Variants in RYR3 observed in about 807,000 individuals in gnomAD.
The protein encoded by RYR3 is ryanodine receptor 3.
Under a neutral mutation model 584.3 loss-of-function variants are expected in RYR3, and 207 were observed. The ratio of observed to expected loss-of-function variants is 0.35; its 90% confidence interval spans 0.32 to 0.40. RYR3 has a LOEUF of 0.40. Ranked by LOEUF, RYR3 falls within the 10% of genes least tolerant of loss-of-function variation. The pLI is 1.00. For missense variants in RYR3, 5,616 were observed against 6,089.2 expected (o/e 0.92, Z 2.59); for synonymous variants, 2,416 against 2,248.5 (o/e 1.07, Z -2.11).
intron 6 of RYR3, among the ~76,000 whole-genome samples, chr15:33,539,941 CAG>C (rs1391376848): frequency 6.6e-6 from 1 of 152,010 alleles, no homozygotes; most frequent in Non-Finnish European, 1.5e-5. Flanking sequence ...CTTGCTGTCT[CAG>C]GGGGAGTAGA....
chr15:33,522,052 G>A (rs972950172), intron 3 of RYR3, among the ~76,000 whole-genome samples: 5 of 146,762 alleles, frequency 3.4e-5, no homozygotes, highest in African/African-American at 7.6e-5. Context: ...TCATGAGTTC[G>A]AGACCAGCCT....
At chr15:33,813,710 G>T in intron 74 of RYR3, 131 bp downstream of exon 74, 2 of 728,856 alleles carry the variant, frequency 2.7e-6, no homozygotes, top group South Asian at 3.4e-5. Context: ...AGCTATTGCA[G>T]TCTGCATAGT....
chr15:33,631,601 A>C (rs2152632536), intron 23 of RYR3, among the ~76,000 whole-genome samples: 1 of 152,306 alleles, frequency 6.6e-6, no homozygotes, highest in African/African-American at 2.4e-5. Context: ...AAAGCTGAAA[A>C]GTGGTTCCCA....
At chr15:33,748,600 G>A (rs2070979322) in intron 55 of RYR3, 70 bp downstream of exon 55, 1 of 1,248,302 alleles carries the variant, frequency 8.0e-7, no homozygotes, top group South Asian at 1.3e-5. Context: ...GAGTTAAAGG[G>A]GGAAAAAAGG....
At chr15:33,537,591 G>A (rs982460026) in intron 5 of RYR3, among the ~76,000 whole-genome samples, 27 of 152,116 alleles carry the variant, frequency 1.8e-4, no homozygotes, top group African/African-American at 6.5e-4. Context: ...TCTGACTGTT[G>A]AGAAGTCTAC....
At position 33,424,978 on chromosome 15, in the gene RYR3, A is replaced by T. The variant is rs541376595; in HGVS notation, c.52-48441A>T. ...TGGGAATATGGGAATAACTTTACCTACAGCAATCAGCCCCATTCCCTTGTT... is the reference window on the plus strand; with the variant it reads ...TGGGAATATGGGAATAACTTTACCTTCAGCAATCAGCCCCATTCCCTTGTT... On this transcript the variant is annotated intron_variant, in intron 1 of 103. Coordinates refer to ENST00000634891, the MANE Select transcript of RYR3 (RefSeq NM_001036.6). 4.0e-4 allele frequency among the ~76,000 whole-genome samples: 61 copies of T among 152,306 alleles called. No individual in the cohort carries two copies. The Middle Eastern group carries it at 0.01, about 25-fold the overall frequency.
intron 51 of RYR3, 52 bp from the exon 52 acceptor site, chr15:33,742,314 T>G: frequency 8.8e-7 from 1 of 1,130,534 alleles, no homozygotes; most frequent in Non-Finnish European, 1.3e-6. Flanking sequence ...TCTTCTACTA[T>G]GTCTGGCTGA....
chr15:33,413,421 G>A (rs1033887316), intron 1 of RYR3, among the ~76,000 whole-genome samples: 9 of 152,268 alleles, frequency 5.9e-5, no homozygotes, highest in South Asian at 4.1e-4. Context: ...GTCATGTGAC[G>A]AAAGGTGGGG....
chr15:33,729,358 A>C (rs2068742204), intron 47 of RYR3, among the ~76,000 whole-genome samples: 1 of 152,102 alleles, frequency 6.6e-6, no homozygotes. Flanking sequence ...ACCCCAGTTC[A>C]CCGCGAATCC....
intron 19 of RYR3, among the ~76,000 whole-genome samples, chr15:33,613,898 GC>G (rs2060323565): frequency 6.6e-6 from 1 of 152,072 alleles, no homozygotes; most frequent in Non-Finnish European, 1.5e-5. Flanking sequence ...TGATTTTATA[GC>G]CATATAATAG....
intron 1 of RYR3, among the ~76,000 whole-genome samples, chr15:33,420,978 G>A (rs1184978006): frequency 6.6e-6 from 1 of 151,946 alleles, no homozygotes; most frequent in Non-Finnish European, 1.5e-5. Flanking sequence ...TTTTTCTTGG[G>A]GGTCTTGCTT....
chr15:33,849,787 G>C (rs143904309), intron 94 of RYR3: 65 of 152,312 alleles, frequency 4.3e-4, no homozygotes, highest in African/African-American at 1.5e-3. Flanking sequence ...AAGCAGCTCT[G>C]CAAAGGTACA....
At chr15:33,549,991 A>G (rs2056554026) in intron 9 of RYR3, among the ~76,000 whole-genome samples, 169 bp from the exon 10 acceptor site, 1 of 152,244 alleles carries the variant, frequency 6.6e-6, no homozygotes, top group Non-Finnish European at 1.5e-5. Flanking sequence ...GCTGGGTTGT[A>G]GGCAGACATG....
Position 33,816,858 on chromosome 15 carries a change from T to G in RYR3, c.10503-4T>G. ...TTGACCTCCCTCTCACCCCTTCCGC[T>G]CAGGCACCGCTCTATTAACCTCTTC... On this transcript the variant is annotated splice_polypyrimidine_tract_variant and splice_region_variant and intron_variant, in intron 74 of 103. Transcript: ENST00000634891. The G allele has an allele frequency of 6.2e-7, 1 of 1,607,280 alleles. No homozygotes were observed. Among genetic ancestry groups the G allele is most frequent in the Non-Finnish European group, 8.5e-7 (1 of 1,175,032 alleles).
intron 32 of RYR3, among the ~76,000 whole-genome samples, chr15:33,655,127 C>T (rs754720060): frequency 7.2e-5 from 11 of 152,242 alleles, no homozygotes; most frequent in East Asian, 1.9e-4. Context: ...CCACTTGGCA[C>T]GCTTGCTTCA....
chr15:33,692,024 A>G (rs2065470446), intron 38 of RYR3, among the ~76,000 whole-genome samples: 2 of 152,246 alleles, frequency 1.3e-5, no homozygotes, highest in African/African-American at 4.8e-5. Flanking sequence ...TCTGCAGATC[A>G]CATTTTTATG....
intron 27 of RYR3, among the ~76,000 whole-genome samples, chr15:33,640,906 AGGCTATG>A (rs1193360067): frequency 2.0e-5 from 3 of 152,116 alleles, no homozygotes; most frequent in African/African-American, 7.2e-5. Flanking sequence ...ATCTCATTTG[AGGCTATG>A]GGTTCATTAA....
At chr15:33,470,757 T>A (rs2048862775) in intron 1 of RYR3, among the ~76,000 whole-genome samples, 1 of 152,106 alleles carries the variant, frequency 6.6e-6, no homozygotes, top group Admixed American at 6.5e-5. Flanking sequence ...AAGGTCCAAA[T>A]TTGGCATCAG....
chr15:33,627,120 C>T (rs1184912160), intron 20 of RYR3, among the ~76,000 whole-genome samples: 7 of 152,130 alleles, frequency 4.6e-5, no homozygotes, highest in African/African-American at 9.7e-5. Flanking sequence ...TGCAGGTCCT[C>T]CTGAAATGGA....
Sources: allele counts gnomAD v4.1 joint callset (sites outside exome capture counted in the v4.1 genomes callset), GRCh38; gene constraint gnomAD v4.1.1; transcripts MANE v1.5; gene names NCBI Gene and HGNC (gene_info 2026-07-23, HGNC 2026-07-21).